The following SNIP1 variants were observed in gnomAD, a reference collection of about 807,000 sequenced individuals.
SNIP1 encodes Smad nuclear interacting protein 1, also known as smad nuclear-interacting protein 1.
In SNIP1, 23 loss-of-function variants were observed where a neutral mutation model predicts 37.4. That is an observed-to-expected ratio of 0.61 (90% confidence interval 0.44 to 0.87). The LOEUF (loss-of-function observed/expected upper bound fraction) is 0.87, where lower values mean the gene tolerates loss of function less well. Among genes scored for constraint, SNIP1 ranks in the 40% least tolerant of loss-of-function variants. SNIP1 has a pLI of 0.00. For missense variants in SNIP1, 459 were observed against 540.4 expected (o/e 0.85, Z 1.49); for synonymous variants, 174 against 200.0 (o/e 0.87, Z 1.10).
rs540812532 is a variant in SNIP1 at position 37,540,655 on chromosome 1, T to C, written c.428A>G (p.His143Arg). Reference protein sequence around the residue: ...RRARNSDRDRHRGHSHQRRTS... With the variant: ...RRARNSDRDRRRGHSHQRRTS... ...TCTCCTTTGGTGGGAATGGCCCCGG[T>C]GTCTGTCCCGGTCACTGTTCCTAGC... Residue 143 changes from histidine to arginine, a missense_variant, in exon 3 of 4, where the codon CAC becomes CGC. Physicochemically the swap from His to Arg is conservative, Grantham distance 29. Coordinates refer to ENST00000296215, the MANE Select transcript of SNIP1 (RefSeq NM_024700.4). The surrounding 1 kb of genome is among the most constrained non-coding windows in gnomAD (Gnocchi z 5.6). 5.0e-6 allele frequency: 8 copies of C among 1,614,104 alleles called. No homozygotes were observed. In the Admixed American group the frequency reaches 6.7e-5, roughly 13 times the overall value.
In SNIP1 at chr1:37,534,522, A is replaced by G. The variant is rs970451801; in HGVS notation, c.*3226T>C. The G allele has an allele frequency of 2.6e-5, 4 of 152,224 alleles. No homozygotes were observed. Among genetic ancestry groups the G allele is most frequent in the African/African-American group, 7.2e-5 (3 of 41,460 alleles). 9.4% of individuals were successfully genotyped at this position (152,224 alleles called of 1,614,324 possible). ...CTTGATATAAACTCACATACCCAGG[A>G]ACACTGTGGGCTCAGAACATTATTT... On this transcript the variant is annotated 3_prime_UTR_variant, in exon 4 of 4. Coordinates refer to ENST00000296215, the MANE Select transcript of SNIP1 (RefSeq NM_024700.4).
At chr1:37,545,254 A>G in intron 2 of SNIP1, 4 of 648,192 alleles carry the variant, frequency 6.2e-6, no homozygotes, top group Middle Eastern at 4.6e-4. Flanking sequence ...TTGGCAGAAT[A>G]TTTCTCTGAC....
chr1:37,552,729 T>C lies in SNIP1; in HGVS notation c.243A>G (p.Lys81=). The C allele has an allele frequency of 6.2e-7, 1 of 1,614,212 alleles. No homozygotes were observed. The highest frequency in any genetic ancestry group is 1.7e-5 in the Admixed American group (1 of 60,028). ...TGCTTCTTCTCCCTGAGGCCTTGTTTTTCTTTTTGGGTGGGGACCTATTCA... is the reference window on the plus strand; with the variant it reads ...TGCTTCTTCTCCCTGAGGCCTTGTTCTTCTTTTTGGGTGGGGACCTATTCA... The part of the protein sequence containing the change: ...RGVSRSPPKK[K]NKASGRRSKS... Residue 81 remains lysine, a synonymous_variant, in exon 2 of 4, where the codon AAA becomes AAG. Coordinates refer to ENST00000296215, the MANE Select transcript of SNIP1 (RefSeq NM_024700.4).
intron 2 of SNIP1, among the ~76,000 whole-genome samples, chr1:37,550,769 G>C (rs193041072): frequency 1.3e-5 from 2 of 152,074 alleles, no homozygotes; most frequent in East Asian, 3.9e-4. Flanking sequence ...TTGCACCTGA[G>C]AAGATACATA....
intron 2 of SNIP1, among the ~76,000 whole-genome samples, chr1:37,549,843 T>C (rs1209486934): frequency 1.3e-5 from 2 of 152,232 alleles, no homozygotes; most frequent in African/African-American, 2.4e-5. Flanking sequence ...TCAAGACTTA[T>C]TATATAGCTA....
At chr1:37,543,723 A>C (rs754535037) in intron 2 of SNIP1, among the ~76,000 whole-genome samples, 1 of 152,026 alleles carries the variant, frequency 6.6e-6, no homozygotes, top group Non-Finnish European at 1.5e-5. Context: ...TGAGAAAAAA[A>C]ATCTCCAAAG....
rs1268505309 is a variant in SNIP1, at chr1:37,537,750, A to G, written c.1189T>C (p.Ter397GlnextTer8). 2.5e-6 allele frequency: 4 copies of G among 1,610,934 alleles called. No homozygotes were observed. Among genetic ancestry groups the G allele is most frequent in the Non-Finnish European group, 3.4e-6 (4 of 1,178,652 alleles). Residue 397 changes from the stop codon to glutamine, a stop_lost, in exon 4 of 4, where the codon TAG becomes CAG. Coordinates refer to ENST00000296215, the MANE Select transcript of SNIP1 (RefSeq NM_024700.4). ...CAATAGTTTGGGTTCTTAGTTTGCT[A>G]GCTGTCAGACACTTCTTCCTCCTCC... ...EEEEEEVSDS[*>Q] is the part of the protein sequence containing the mutation.
intron 2 of SNIP1, among the ~76,000 whole-genome samples, chr1:37,547,917 C>G (rs1203675344): frequency 6.6e-6 from 1 of 151,736 alleles, no homozygotes; most frequent in Non-Finnish European, 1.5e-5. Context: ...GAGGCCAAGG[C>G]AGGTGGATTA....
At chr1:37,539,495 AG>A (rs1217996598) in intron 3 of SNIP1, among the ~76,000 whole-genome samples, 1 of 152,210 alleles carries the variant, frequency 6.6e-6, no homozygotes, top group African/African-American at 2.4e-5. Context: ...GCGGATCACG[AG>A]GTCAGGAGTT....
intron 2 of SNIP1, chr1:37,541,086 A>C (rs1171573438): frequency 4.7e-6 from 1 of 213,556 alleles, no homozygotes; most frequent in Admixed American, 5.2e-5. Flanking sequence ...GGGCAAACTT[A>C]CAGGGAAGAA....
Position 37,540,741 on chromosome 1 carries a change from A to C in SNIP1, c.342T>G (p.His114Gln). 6.2e-7 allele frequency: 1 copy of C among 1,600,922 alleles called. No homozygotes were observed. The highest frequency in any genetic ancestry group is 8.5e-7 in the Non-Finnish European group (1 of 1,171,586). The change falls in exon 3 of 4, where the codon CAT (histidine) becomes CAG (glutamine). Residue 114 changes from histidine to glutamine, a missense_variant. Coordinates refer to ENST00000296215, the MANE Select transcript of SNIP1 (RefSeq NM_024700.4). The surrounding 1 kb of genome is among the most constrained non-coding windows in gnomAD (Gnocchi z 5.6). Reference protein sequence around the residue: ...TVKVKQEREDHPRRGREDRQH... With the variant: ...TVKVKQEREDQPRRGREDRQH... Reference sequence around the variant, plus strand: ...GCCGATCCTCCCGTCCTCTCCGGGGATGATCCTCACGCTCCTAAAATTCAA... The same window carrying C: ...GCCGATCCTCCCGTCCTCTCCGGGGCTGATCCTCACGCTCCTAAAATTCAA...
chr1:37,540,834 A>T lies in SNIP1; in HGVS notation c.328-79T>A. The stretch of plus-strand genomic sequence containing the variant: ...CCCAAATCTTGTTCTTTTTGAACGA[A>T]GTGCATGCAAAAAGTCTTGTAATTT... On this transcript the variant is annotated intron_variant, in intron 2 of 3. Coordinates refer to ENST00000296215, the MANE Select transcript of SNIP1 (RefSeq NM_024700.4). This position sits in a 1 kb window ranked among gnomAD's most constrained non-coding sequence, Gnocchi z 5.6. The T allele has an allele frequency of 7.3e-7, 1 of 1,366,958 alleles. No individual in the cohort carries two copies. Among genetic ancestry groups the T allele is most frequent in the South Asian group, 1.5e-5 (1 of 68,752 alleles). 84.7% of individuals were successfully genotyped at this position (1,366,958 alleles called of 1,614,324 possible).
Position 37,540,338 on chromosome 1 carries a change from G to T in SNIP1, c.745C>A (p.Pro249Thr). The change falls in exon 3 of 4, where the codon CCC becomes ACC. Residue 249 changes from proline to threonine, a missense_variant. By Grantham distance (38) the Pro-to-Thr change is conservative. Coordinates refer to ENST00000296215, the MANE Select transcript of SNIP1 (RefSeq NM_024700.4). The surrounding 1 kb of genome is among the most constrained non-coding windows in gnomAD (Gnocchi z 5.6). ...TTTTTGGGGATACGTGCTTCTGGGG[G>T]CTCACTATATTTAATGACTACACCC... is the stretch of plus-strand genomic sequence containing the variant. ...FRGVVIKYSEPPEARIPKKRW... is the reference protein window; with the variant it reads ...FRGVVIKYSETPEARIPKKRW... 1.2e-6 allele frequency: 2 copies of T among 1,614,122 alleles called. No homozygotes were observed. The highest frequency in any genetic ancestry group is 1.7e-6 in the Non-Finnish European group (2 of 1,180,030).
chr1:37,540,890 C>G lies in SNIP1; in HGVS notation c.328-135G>C. The G allele has an allele frequency of 1.3e-6, 1 of 784,434 alleles. No individual in the cohort carries two copies. The highest frequency in any genetic ancestry group is 2.0e-6 in the Non-Finnish European group (1 of 502,034). The allele number at this position is 784,434 out of a possible 1,614,324, so 48.6% of individuals were successfully genotyped here. ...TTGGCATTTAGAACAACATTTCCCA[C>G]AGAAATAAGATTATGTCTGGTGGTT... is the stretch of plus-strand genomic sequence containing the variant. On this transcript the variant is annotated intron_variant, in intron 2 of 3. Transcript: ENST00000296215. The surrounding 1 kb of genome is among the most constrained non-coding windows in gnomAD (Gnocchi z 5.6).
Position 37,536,467 on chromosome 1 carries a change from C to T in SNIP1, c.*1281G>A, listed in dbSNP as rs41267303. The stretch of plus-strand genomic sequence containing the variant: ...TTATCTCAAAAGTACTGACAGAAGG[C>T]TCCATTAGCAGCAAACAGACCTATG... On this transcript the variant is annotated 3_prime_UTR_variant, in exon 4 of 4. Coordinates refer to ENST00000296215, the MANE Select transcript of SNIP1 (RefSeq NM_024700.4). 29,569 of 152,350 alleles carry T rather than the reference C, an allele frequency of 0.19. 3,401 individuals carry two copies. Among genetic ancestry groups the T allele is most frequent in the East Asian group, 0.33 (1,692 of 5,178 alleles). 9.4% of individuals were successfully genotyped at this position (152,350 alleles called of 1,614,324 possible). A position where few individuals can be genotyped will look rare whatever the true frequency, so the allele number is the denominator to read the frequency against.
At chr1:37,544,446 C>CAAAAA (rs11374263) in intron 2 of SNIP1, among the ~76,000 whole-genome samples, 22 of 93,710 alleles carry the variant, frequency 2.3e-4, no homozygotes, top group Admixed American at 3.4e-4. Context: ...GACTCTGTCT[C>CAAAAA]AAAAAAAAAA....
rs1291817747 is a variant in SNIP1 at position 37,540,611 on chromosome 1, C to T, written c.472G>A (p.Gly158Arg). 2 of 1,614,154 alleles carry T rather than the reference C, an allele frequency of 1.2e-6. No individual in the cohort carries two copies. Among genetic ancestry groups the T allele is most frequent in the African/African-American group, 1.3e-5 (1 of 75,024 alleles). The stretch of plus-strand genomic sequence containing the variant: ...TCCCGTCCCTGACCCTGCCCACTCC[C>T]AGGCCTCTCGTTAGACGTTCTCCTT... Reference protein sequence around the residue: ...HQRRTSNERPGSGQGQGRDRD... With the variant: ...HQRRTSNERPRSGQGQGRDRD... The change falls in exon 3 of 4, where the codon GGG becomes AGG. Residue 158 changes from glycine (G) to arginine (R), a missense_variant. Physicochemically the swap from Gly to Arg is moderately radical, Grantham distance 125. Coordinates refer to ENST00000296215, the MANE Select transcript of SNIP1 (RefSeq NM_024700.4). The surrounding 1 kb of genome is among the most constrained non-coding windows in gnomAD (Gnocchi z 5.6).
chr1:37,553,972 C>T (rs1383891623), intron 1 of SNIP1, 34 bp downstream of exon 1: 5 of 1,547,104 alleles, frequency 3.2e-6, no homozygotes, highest in Non-Finnish European at 4.4e-6. Context: ...ATGAGCCCAA[C>T]CCAATGTCCA....
At chr1:37,539,129 ATGG>A (rs1643136189) in intron 3 of SNIP1, among the ~76,000 whole-genome samples, 1 of 152,208 alleles carries the variant, frequency 6.6e-6, no homozygotes. Context: ...ATTCTAGATT[ATGG>A]TGAGTTGTAT....
Sources: allele counts gnomAD v4.1 joint callset (sites outside exome capture counted in the v4.1 genomes callset), GRCh38; gene constraint gnomAD v4.1.1; non-coding constraint Gnocchi (gnomAD v3.1); transcripts MANE v1.5; gene names NCBI Gene and HGNC (gene_info 2026-07-23, HGNC 2026-07-21).